ABCB7: variants seen among roughly 807,000 people sequenced by gnomAD.
ABCB7 encodes the protein iron-sulfur clusters transporter ABCB7, mitochondrial.
In ABCB7, 7 loss-of-function variants were observed where a neutral mutation model predicts 54.4. The ratio of observed to expected loss-of-function variants is 0.13; its 90% confidence interval spans 0.07 to 0.24. The LOEUF (loss-of-function observed/expected upper bound fraction) is 0.24. ABCB7 is among the 10% of genes least tolerant of loss of function. The pLI is 1.00. For synonymous variants in ABCB7, 218 were observed against 207.1 expected (o/e 1.05, Z -0.45); for missense variants, 356 against 570.4 (o/e 0.62, Z 3.83).
At chrX:75,094,286 G>C (rs2081571806) in intron 4 of ABCB7, among the ~76,000 whole-genome samples, 1 of 110,210 alleles carries the variant, frequency 9.1e-6, no homozygotes, top group African/African-American at 3.3e-5. Context: ...GCAGTGGTTA[G>C]AGAATATGAA....
rs2285526 is a variant in ABCB7, at chrX:75,062,670, G to C, written c.1832-239C>G. ...ACTTCATAGCAGGTGGGAAGAATGA[G>C]AATGAGGCAGTAAGGTAACAACTTT... On this transcript the variant is annotated intron_variant, in intron 13 of 15. Coordinates refer to ENST00000373394, the MANE Select transcript of ABCB7 (RefSeq NM_001271696.3). The C allele has an allele frequency of 7.6e-5, 28 of 366,308 alleles. No individual in the cohort carries two copies. The East Asian group carries it at 1.3e-3, about 17-fold the overall frequency. 30.2% of individuals were successfully genotyped at this position (366,308 alleles called of 1,213,427 possible).
intron 3 of ABCB7, among the ~76,000 whole-genome samples, chrX:75,105,808 C>T (rs2081694108): frequency 9.0e-6 from 1 of 111,372 alleles, no homozygotes; most frequent in South Asian, 3.7e-4. Flanking sequence ...TAAAAATACA[C>T]ACATAAATCA....
At position 75,075,635 on chromosome X, in the gene ABCB7, C is replaced by G; in HGVS notation, c.587-5G>C. 8.3e-7 allele frequency: 1 copy of G among 1,200,718 alleles called. No homozygotes were observed. The highest frequency in any genetic ancestry group is 1.1e-6 in the Non-Finnish European group (1 of 887,035). On this transcript the variant is annotated splice_polypyrimidine_tract_variant and splice_region_variant and intron_variant, in intron 5 of 15. Transcript: ENST00000373394. The stretch of plus-strand genomic sequence containing the variant: ...CTCCAGCTCTTGATACACCATCTAA[C>G]AATACATTCAAAAGAAAAAATAGGA...
intron 4 of ABCB7, among the ~76,000 whole-genome samples, chrX:75,092,156 T>G (rs1331061861): frequency 1.8e-5 from 2 of 111,246 alleles, no homozygotes; most frequent in Admixed American, 1.9e-4. Context: ...GGTCTGACAC[T>G]ACCTGACTAT....
intron 1 of ABCB7, among the ~76,000 whole-genome samples, chrX:75,118,981 G>T (rs544921735): frequency 3.6e-5 from 4 of 111,936 alleles, no homozygotes; most frequent in African/African-American, 1.3e-4. Context: ...CTTAAAAACT[G>T]GCGAATGAAG....
chrX:75,123,115 T>C (rs965811785), intron 1 of ABCB7, among the ~76,000 whole-genome samples: 4 of 111,027 alleles, frequency 3.6e-5, no homozygotes, highest in Non-Finnish European at 7.5e-5. Flanking sequence ...CCAAGGGTAA[T>C]GTCAAGGAGC....
chrX:75,062,708 ATTC>A (rs2081290194), intron 13 of ABCB7: 1 of 300,114 alleles, frequency 3.3e-6, no homozygotes, highest in Non-Finnish European at 5.9e-6. Flanking sequence ...TTCTACTATT[ATTC>A]TTCTACCAGA....
rs199687417 is a variant in ABCB7, at chrX:75,069,077, T to C, written c.1589A>G (p.Tyr530Cys). The change falls in exon 12 of 16, where the codon TAT becomes TGT. Residue 530 changes from tyrosine (Y) to cysteine (C), a missense_variant. Physicochemically the swap from Tyr to Cys is radical, Grantham distance 194. Coordinates refer to ENST00000373394, the MANE Select transcript of ABCB7 (RefSeq NM_001271696.3). The part of the protein sequence containing the change: ...RFYEPQKGSI[Y>C]LAGQNIQDVS... ...ATCTTGTATATTTTGACCAGCAAGA[T>C]AAATGCTACCCTTTTGAGGCTCATA... 4.6e-4 allele frequency: 551 copies of C among 1,207,451 alleles called. 4 individuals carry two copies. The South Asian group carries it at 8.9e-3, about 19-fold the overall frequency.
At chrX:75,122,639 G>T (rs1398995620) in intron 1 of ABCB7, among the ~76,000 whole-genome samples, 2 of 112,173 alleles carry the variant, frequency 1.8e-5, no homozygotes, top group African/African-American at 6.5e-5. Flanking sequence ...CCCACCAACA[G>T]TGTACAAGGG....
At chrX:75,068,074 C>T (rs758785745) in intron 12 of ABCB7, among the ~76,000 whole-genome samples, 33 of 110,827 alleles carry the variant, frequency 3.0e-4, no homozygotes, top group Admixed American at 2.9e-4. Context: ...TTAACATATC[C>T]ATCATCTCAC....
intron 1 of ABCB7, among the ~76,000 whole-genome samples, chrX:75,116,784 C>T (rs1439832544): frequency 9.0e-6 from 1 of 110,576 alleles, no homozygotes; most frequent in Non-Finnish European, 1.9e-5. Flanking sequence ...GGATGAGCTA[C>T]GAGGTCGGCA....
chrX:75,119,770 GTTA>G (rs1047945644), intron 1 of ABCB7, among the ~76,000 whole-genome samples: 4 of 111,714 alleles, frequency 3.6e-5, no homozygotes, highest in Non-Finnish European at 7.5e-5. Context: ...CTTCGTGTAT[GTTA>G]TTAATAGTTA....
At chrX:75,063,029 T>A (rs900761146) in intron 13 of ABCB7, among the ~76,000 whole-genome samples, 1 of 111,371 alleles carries the variant, frequency 9.0e-6, no homozygotes, top group African/African-American at 3.3e-5. Context: ...GCATATCAAA[T>A]TTTTAAAATA....
intron 4 of ABCB7, among the ~76,000 whole-genome samples, chrX:75,095,454 C>T (rs1009546255): frequency 1.8e-5 from 2 of 112,738 alleles, no homozygotes; most frequent in African/African-American, 6.4e-5. Flanking sequence ...CAATACTACT[C>T]AAGAATAAAC....
chrX:75,094,637 C>T (rs182924713), intron 4 of ABCB7, among the ~76,000 whole-genome samples: 7 of 110,972 alleles, frequency 6.3e-5, no homozygotes, highest in Non-Finnish European at 1.1e-4. Context: ...TGCTTGAACC[C>T]GGGAGGCGGA....
intron 13 of ABCB7, among the ~76,000 whole-genome samples, chrX:75,063,311 A>C (rs894164875): frequency 9.0e-6 from 1 of 111,056 alleles, no homozygotes; most frequent in Middle Eastern, 4.3e-3. Context: ...AGAAGATGGT[A>C]CTCTGCTGAC....
At chrX:75,134,255 G>C (rs1416224132) in intron 1 of ABCB7, among the ~76,000 whole-genome samples, 1 of 111,257 alleles carries the variant, frequency 9.0e-6, no homozygotes, top group Non-Finnish European at 1.9e-5. Flanking sequence ...AATGATAGAG[G>C]GTTCAATTCA....
At chrX:75,067,484 T>G (rs1330990989) in intron 12 of ABCB7, among the ~76,000 whole-genome samples, 1 of 110,868 alleles carries the variant, frequency 9.0e-6, no homozygotes, top group Non-Finnish European at 1.9e-5. Flanking sequence ...TTTTTCCTTT[T>G]TTTTTCTTTT....
At chrX:75,135,983 A>T (rs2082006433) in intron 1 of ABCB7, among the ~76,000 whole-genome samples, 1 of 49,546 alleles carries the variant, frequency 2.0e-5, no homozygotes, top group Non-Finnish European at 4.4e-5. Flanking sequence ...TAGCCAGAGC[A>T]ATCAGGCAAG....
Sources: allele counts gnomAD v4.1 joint callset (sites outside exome capture counted in the v4.1 genomes callset), GRCh38; gene constraint gnomAD v4.1.1; transcripts MANE v1.5; gene names NCBI Gene and HGNC (gene_info 2026-07-23, HGNC 2026-07-21).